Variants in SLC8A1 observed in about 807,000 individuals in gnomAD.
The protein encoded by SLC8A1 is sodium/calcium exchanger 1.
A neutral mutation model predicts 68.3 loss-of-function variants in SLC8A1; 18 were observed. The observed-to-expected ratio is 0.26, with a 90% CI of 0.18 to 0.39. The LOEUF is 0.39. Among genes scored for constraint, SLC8A1 ranks in the 10% least tolerant of loss-of-function variants. SLC8A1 has a pLI of 1.00. For synonymous variants in SLC8A1, 475 were observed against 415.5 expected (o/e 1.14, Z -1.74); for missense variants, 985 against 1,156.7 (o/e 0.85, Z 2.15).
At chr2:40,406,655 C>G (rs1250896311) in intron 2 of SLC8A1, among the ~76,000 whole-genome samples, 4 of 152,090 alleles carry the variant, frequency 2.6e-5, no homozygotes, top group Non-Finnish European at 1.5e-5. Context: ...TGTGGGAACC[C>G]AAGGCCCTCT....
At chr2:40,164,889 A>C in exon 5 of SLC8A1, 1 of 1,613,878 alleles carries the variant, frequency 6.2e-7, no homozygotes, top group Non-Finnish European at 8.5e-7. Flanking sequence ...ATCACTTCCA[A>C]CTTGGTGTGC....
At chr2:40,355,060 T>A (rs1672262646) in intron 2 of SLC8A1, among the ~76,000 whole-genome samples, 1 of 152,158 alleles carries the variant, frequency 6.6e-6, no homozygotes, top group Non-Finnish European at 1.5e-5. Flanking sequence ...AAATGCCGGA[T>A]GAAATAAAGA....
chr2:40,153,304 C>T (rs1276122046), intron 6 of SLC8A1, among the ~76,000 whole-genome samples: 1 of 152,176 alleles, frequency 6.6e-6, no homozygotes. Flanking sequence ...TCTTCTAATG[C>T]TATTAACTCA....
At chr2:40,458,002 C>T (rs946625060) in intron 1 of SLC8A1, among the ~76,000 whole-genome samples, 1 of 152,162 alleles carries the variant, frequency 6.6e-6, no homozygotes, top group African/African-American at 2.4e-5. Flanking sequence ...CTTAGACATT[C>T]TGCCTCTATT....
chr2:40,417,143 A>C (rs1256003114), intron 2 of SLC8A1, among the ~76,000 whole-genome samples: 1 of 152,068 alleles, frequency 6.6e-6, no homozygotes, highest in African/African-American at 2.4e-5. Flanking sequence ...CAGTATGACC[A>C]ATTGTTATTT....
chr2:40,219,155 G>T (rs2057942362), intron 2 of SLC8A1, among the ~76,000 whole-genome samples: 1 of 152,218 alleles, frequency 6.6e-6, no homozygotes, highest in Admixed American at 6.5e-5. Flanking sequence ...TTTCAATTGG[G>T]ATGCTGGAGC....
intron 2 of SLC8A1, among the ~76,000 whole-genome samples, chr2:40,252,530 C>G (rs564684136): frequency 1.3e-5 from 2 of 152,220 alleles, no homozygotes; most frequent in Non-Finnish European, 2.9e-5. Context: ...GACAGGGTTT[C>G]ACCATGTTGG....
At chr2:40,232,603 T>G (rs1044071617) in intron 2 of SLC8A1, among the ~76,000 whole-genome samples, 1 of 150,398 alleles carries the variant, frequency 6.6e-6, no homozygotes, top group African/African-American at 2.5e-5. Flanking sequence ...ATTCTGTTTT[T>G]TTTTTTTTTT....
intron 2 of SLC8A1, among the ~76,000 whole-genome samples, chr2:40,233,278 A>G (rs1187129215): frequency 1.3e-5 from 2 of 152,150 alleles, no homozygotes; most frequent in African/African-American, 4.8e-5. Flanking sequence ...CTGACTTTTT[A>G]ATGATCACCA....
rs758632454 is a variant in SLC8A1, at chr2:40,391,193, C to CACACACATGTATATATAT, written c.1808+37279_1808+37280insATATATATACATGTGTGT. Among the ~76,000 whole-genome samples, 13 of 150,762 alleles carry CACACACATGTATATATAT rather than the reference C, an allele frequency of 8.6e-5. No individual in the cohort carries two copies. In the South Asian group the frequency reaches 2.3e-3, roughly 27 times the overall value. Reference sequence around the variant, plus strand: ...TAGATGCGTGTGTGTATATATATTACACACACACATATGTCTGTGTGTATG... The same window carrying CACACACATGTATATATAT: ...TAGATGCGTGTGTGTATATATATTACACACACATGTATATATATACACACACATATGTCTGTGTGTATG... On this transcript the variant is annotated intron_variant, in intron 2 of 7. Transcript: ENST00000406785.
chr2:40,256,519 T>TAA (rs1290012705), intron 2 of SLC8A1, among the ~76,000 whole-genome samples: 1 of 152,256 alleles, frequency 6.6e-6, no homozygotes, highest in Non-Finnish European at 1.5e-5. Context: ...TCTTTACGTC[T>TAA]AAAGTGTTCT....
intron 5 of SLC8A1, among the ~76,000 whole-genome samples, chr2:40,161,261 CG>C (rs2045633007): frequency 6.6e-6 from 1 of 152,060 alleles, no homozygotes; most frequent in Non-Finnish European, 1.5e-5. Context: ...TGCGAATAGC[CG>C]GAAGTGACAG....
At chr2:40,270,848 A>C (rs2065935310) in intron 2 of SLC8A1, among the ~76,000 whole-genome samples, 1 of 152,156 alleles carries the variant, frequency 6.6e-6, no homozygotes, top group South Asian at 2.1e-4. Context: ...TAAGATAAGA[A>C]GCTGGCAGCA....
chr2:40,108,281 C>T (rs1366982908), exon 8 of SLC8A1: 1 of 146,146 alleles, frequency 6.8e-6, no homozygotes, highest in Non-Finnish European at 1.5e-5. Context: ...GAAACGTGTG[C>T]CAAAAACATG....
chr2:40,148,329 C>G (rs897247810), intron 6 of SLC8A1, among the ~76,000 whole-genome samples: 1 of 152,178 alleles, frequency 6.6e-6, no homozygotes, highest in African/African-American at 2.4e-5. Flanking sequence ...TGGTGGCAAA[C>G]ATCTGTCTCT....
At chr2:40,168,668 T>A (rs418780) in intron 4 of SLC8A1, among the ~76,000 whole-genome samples, 12,107 of 152,276 alleles carry the variant, frequency 0.08, 657 homozygotes, top group Middle Eastern at 0.18. Flanking sequence ...TCATCTATTT[T>A]GTTTCCTTTT....
rs1474312071 is a variant in SLC8A1 at position 40,134,877 on chromosome 2, A to AGG, written c.2437+4523_2437+4524insCC. Among the ~76,000 whole-genome samples the AGG allele has an allele frequency of 4.0e-4, 61 of 152,350 alleles. No individual in the cohort carries two copies. The South Asian group carries it at 5.8e-3, about 14-fold the overall frequency. On this transcript the variant is annotated intron_variant, in intron 7 of 7. Transcript: ENST00000406785. ...TAGAAAATAATAACATTCAAAAATA[A>AGG]GTAAACTAAAAAAATCCAGAATGTA...
intron 2 of SLC8A1, among the ~76,000 whole-genome samples, chr2:40,398,606 T>C (rs531383961): frequency 6.6e-6 from 1 of 152,340 alleles, no homozygotes; most frequent in Non-Finnish European, 1.5e-5. Flanking sequence ...AATGCAATCA[T>C]AGAATAGTCA....
chr2:40,287,345 C>T (rs2068481498), intron 2 of SLC8A1, among the ~76,000 whole-genome samples: 1 of 152,038 alleles, frequency 6.6e-6, no homozygotes, highest in Non-Finnish European at 1.5e-5. Flanking sequence ...AGCTGTGTTT[C>T]CAAAATATGT....
Sources: allele counts gnomAD v4.1 joint callset (sites outside exome capture counted in the v4.1 genomes callset), GRCh38; gene constraint gnomAD v4.1.1; transcripts MANE v1.5; gene names NCBI Gene and HGNC (gene_info 2026-07-23, HGNC 2026-07-21).